Variants in BLM observed in about 807,000 individuals in gnomAD.
The protein encoded by BLM is BLM RecQ like helicase.
A neutral mutation model predicts 135.3 loss-of-function variants in BLM; 95 were observed. The observed-to-expected ratio is 0.70, with a 90% CI of 0.59 to 0.83. The LOEUF (loss-of-function observed/expected upper bound fraction) is 0.83, where lower values mean the gene tolerates loss of function less well. BLM is among the 40% of genes least tolerant of loss of function. BLM has a pLI of 0.00. For missense variants in BLM, 1,518 were observed against 1,663.9 expected, an observed-to-expected ratio of 0.91 and a Z score of 1.53; for synonymous variants, 520 against 589.2, an observed-to-expected ratio of 0.88 and a Z score of 1.70.
intron 1 of BLM, among the ~76,000 whole-genome samples, chr15:90,742,613 T>C (rs1396679860): frequency 6.6e-6 from 1 of 152,112 alleles, no homozygotes; most frequent in East Asian, 1.9e-4. Flanking sequence ...TCTCTTTTTT[T>C]TTTAAAGGTT....
intron 1 of BLM, among the ~76,000 whole-genome samples, chr15:90,721,412 C>G (rs765941620): frequency 6.6e-6 from 1 of 152,022 alleles, no homozygotes; most frequent in Non-Finnish European, 1.5e-5. Flanking sequence ...CTGTAACCTC[C>G]GTCTCCCGAG....
At chr15:90,796,116 C>T (rs1347447185) in intron 16 of BLM, among the ~76,000 whole-genome samples, 4 of 152,172 alleles carry the variant, frequency 2.6e-5, no homozygotes, top group Non-Finnish European at 4.4e-5. Flanking sequence ...GCTAGAGTCC[C>T]AGAGTAACTG....
intron 14 of BLM, among the ~76,000 whole-genome samples, chr15:90,786,713 C>G (rs1896758182): frequency 2.0e-5 from 3 of 151,616 alleles, no homozygotes; most frequent in Admixed American, 2.0e-4. Flanking sequence ...CCTCCTGGTT[C>G]AAGCAATTCT....
In BLM at chr15:90,804,371, T is replaced by C. The variant is rs984768307; in HGVS notation, c.3751+12T>C. The stretch of plus-strand genomic sequence containing the variant: ...CAAGAAGCTTGCAGGTGGGTACACA[T>C]GTATCCTTTGTTACGTGGCACAGAT... On this transcript the variant is annotated intron_variant, in intron 19 of 21. Coordinates refer to ENST00000355112, the MANE Select transcript of BLM (RefSeq NM_000057.4). The C allele has an allele frequency of 6.2e-7, 1 of 1,607,550 alleles. No homozygotes were observed. The highest frequency in any genetic ancestry group is 1.3e-5 in the African/African-American group (1 of 74,916).
chr15:90,777,312 C>T (rs1896505454), intron 12 of BLM, among the ~76,000 whole-genome samples: 1 of 152,074 alleles, frequency 6.6e-6, no homozygotes, highest in Non-Finnish European at 1.5e-5. Context: ...CCACCATGCC[C>T]AGCTAATTTT....
intron 5 of BLM, 118 bp from the exon 6 acceptor site, chr15:90,760,029 A>G: frequency 3.2e-6 from 3 of 949,308 alleles, no homozygotes; most frequent in South Asian, 1.4e-5. Flanking sequence ...GACTTAAGCA[A>G]TCCTCCTGCC....
rs1897133486 is a variant in BLM, at chr15:90,800,305, G to A, written c.3358+1968G>A. ...CACAGGTCGTGATTTGATAAGTGGTGGAACCCACCCATGGGTCCAGTGAAG... is the reference window on the plus strand; with the variant it reads ...CACAGGTCGTGATTTGATAAGTGGTAGAACCCACCCATGGGTCCAGTGAAG... On this transcript the variant is annotated intron_variant, in intron 17 of 21. Coordinates refer to ENST00000355112, the MANE Select transcript of BLM (RefSeq NM_000057.4). Among the ~76,000 whole-genome samples the A allele has an allele frequency of 3.9e-5, 6 of 152,178 alleles. No individual in the cohort carries two copies. The South Asian group carries it at 1.2e-3, about 31-fold the overall frequency.
intron 1 of BLM, among the ~76,000 whole-genome samples, chr15:90,727,684 T>C (rs985995413): frequency 6.6e-6 from 1 of 152,150 alleles, no homozygotes; most frequent in Non-Finnish European, 1.5e-5. Flanking sequence ...TGAGAGAACA[T>C]GCACTTTCTC....
At chr15:90,724,881 C>G (rs969571084) in intron 1 of BLM, among the ~76,000 whole-genome samples, 1 of 152,084 alleles carries the variant, frequency 6.6e-6, no homozygotes, top group Non-Finnish European at 1.5e-5. Flanking sequence ...TTAAGTCACT[C>G]CCCAGCCCCT....
intron 17 of BLM, among the ~76,000 whole-genome samples, chr15:90,802,346 A>C (rs997986533): frequency 1.3e-5 from 2 of 152,244 alleles, no homozygotes; most frequent in African/African-American, 2.4e-5. Flanking sequence ...TCTTAAGTAG[A>C]TTGTTACAAT....
intron 12 of BLM, among the ~76,000 whole-genome samples, chr15:90,773,478 A>G (rs1030389482): frequency 6.6e-6 from 1 of 150,892 alleles, no homozygotes; most frequent in African/African-American, 2.4e-5. Context: ...TTTACATACC[A>G]TAAAATTCAC....
intron 7 of BLM, among the ~76,000 whole-genome samples, chr15:90,762,110 T>C (rs1896003286): frequency 6.6e-6 from 1 of 152,222 alleles, no homozygotes; most frequent in Non-Finnish European, 1.5e-5. Context: ...CATGTTAGAA[T>C]GTGTCATACT....
At chr15:90,770,030 T>C (rs1246783987) in intron 12 of BLM, among the ~76,000 whole-genome samples, 2 of 152,170 alleles carry the variant, frequency 1.3e-5, no homozygotes, top group Non-Finnish European at 2.9e-5. Context: ...AAGGTCCCAG[T>C]TGAATCCAGG....
In BLM at chr15:90,757,187, A is replaced by G. The variant is rs59933146; in HGVS notation, c.1087+2249A>G. On this transcript the variant is annotated intron_variant, in intron 5 of 21. Transcript: ENST00000355112. ...AGAATTTTGCTTTGAATTTACATCAAATCACCAGCCTGTAGTTTTTGGCAA... is the reference window on the plus strand; with the variant it reads ...AGAATTTTGCTTTGAATTTACATCAGATCACCAGCCTGTAGTTTTTGGCAA... Among the ~76,000 whole-genome samples the G allele has an allele frequency of 8.7e-3, 1,329 of 152,272 alleles. 13 individuals are homozygous for G. Among genetic ancestry groups the G allele is most frequent in the African/African-American group, 0.031 (1,268 of 41,536 alleles).
At chr15:90,785,239 T>A (rs1450444984) in intron 14 of BLM, among the ~76,000 whole-genome samples, 158 bp downstream of exon 14, 1 of 152,238 alleles carries the variant, frequency 6.6e-6, no homozygotes, top group Non-Finnish European at 1.5e-5. Context: ...ACTTCTAAAG[T>A]TGCTTTTTCT....
Position 90,804,377 on chromosome 15 carries a change from CT to C in BLM, c.3751+21del. 6.2e-7 allele frequency: 1 copy of C among 1,603,058 alleles called. No individual in the cohort carries two copies. The highest frequency in any genetic ancestry group is 1.3e-5 in the African/African-American group (1 of 74,766). ...GCTTGCAGGTGGGTACACATGTATC[CT>C]TTGTTACGTGGCACAGATTAATAGG... is the stretch of plus-strand genomic sequence containing the variant. On this transcript the variant is annotated intron_variant, in intron 19 of 21. Transcript: ENST00000355112.
intron 1 of BLM, among the ~76,000 whole-genome samples, chr15:90,742,113 A>C (rs1895378225): frequency 6.6e-6 from 1 of 152,218 alleles, no homozygotes; most frequent in Admixed American, 6.5e-5. Flanking sequence ...ATTGTGTTTG[A>C]TGTTTAATTT....
chr15:90,747,237 CAAAAA>C (rs59331923), intron 1 of BLM, among the ~76,000 whole-genome samples, 147 bp from the exon 2 acceptor site: 1 of 39,254 alleles, frequency 2.5e-5, no homozygotes, highest in Non-Finnish European at 4.8e-5. Flanking sequence ...GTCTATTGAC[CAAAAA>C]AAAAAAAAAA....
chr15:90,759,386 A>G (rs1555419559), intron 5 of BLM, among the ~76,000 whole-genome samples: 1 of 150,952 alleles, frequency 6.6e-6, no homozygotes, highest in Non-Finnish European at 1.5e-5. Context: ...ACATGGCAAG[A>G]CCCTGTCTCT....
Sources: allele counts gnomAD v4.1 joint callset (sites outside exome capture counted in the v4.1 genomes callset), GRCh38; gene constraint gnomAD v4.1.1; transcripts MANE v1.5; gene names NCBI Gene and HGNC (gene_info 2026-07-23, HGNC 2026-07-21).